Variants in ANK2 observed in about 807,000 individuals in gnomAD.
ANK2 encodes ankyrin 2.
In ANK2, 83 loss-of-function variants were observed where a neutral mutation model predicts 360.5. The ratio of observed to expected loss-of-function variants is 0.23; its 90% CI spans 0.19 to 0.28. ANK2 has a LOEUF of 0.28. Among genes scored for constraint, ANK2 ranks in the 10% least tolerant of loss-of-function variants. The pLI, the probability that ANK2 is intolerant of heterozygous loss-of-function variation, is 1.00. For synonymous variants in ANK2, 1,740 were observed against 1,759.5 expected (o/e 0.99, Z 0.28); for missense variants, 4,201 against 4,795.7 (o/e 0.88, Z 3.66).
the ANK2 span, among the ~76,000 whole-genome samples, chr4:112,780,149 T>C: frequency 8.7e-5 from 13 of 149,856 alleles, no homozygotes; most frequent in Non-Finnish European, 5.9e-5. Context: ...ATTGCGCCAC[T>C]GCACTCTAGC....
At chr4:112,899,168 A>C (rs1457871312) in intron 1 of ANK2, among the ~76,000 whole-genome samples, 1 of 152,194 alleles carries the variant, frequency 6.6e-6, no homozygotes, top group Non-Finnish European at 1.5e-5. Flanking sequence ...AGACTTGAAT[A>C]TCTTTATGCA....
At chr4:113,261,731 G>A (rs2053029917) in intron 13 of ANK2, among the ~76,000 whole-genome samples, 1 of 152,002 alleles carries the variant, frequency 6.6e-6, no homozygotes, top group African/African-American at 2.4e-5. Context: ...TTGAATTTAA[G>A]CCTTAGTGCT....
At chr4:113,127,011 T>A (rs1241945343) in intron 1 of ANK2, among the ~76,000 whole-genome samples, 5 of 151,974 alleles carry the variant, frequency 3.3e-5, no homozygotes, top group Non-Finnish European at 7.3e-5. Flanking sequence ...AACAATTTAG[T>A]CACTCCAATG....
At chr4:112,815,012 CTT>C (rs66513268), upstream of ANK2, among the ~76,000 whole-genome samples, 61,250 of 145,334 alleles carry the variant, frequency 0.42, 13,738 homozygotes, top group East Asian at 0.8. Flanking sequence ...CAAAAAGACA[CTT>C]TTTTTTTTTT....
chr4:112,988,562 A>G (rs1376424288), intron 2 of ANK2, among the ~76,000 whole-genome samples: 1 of 152,242 alleles, frequency 6.6e-6, no homozygotes, highest in Non-Finnish European at 1.5e-5. Context: ...GCTACAGGCC[A>G]GTCCAATGTA....
At chr4:112,820,761 A>C (rs989305121) in intron 1 of ANK2, among the ~76,000 whole-genome samples, 1 of 151,324 alleles carries the variant, frequency 6.6e-6, no homozygotes, top group African/African-American at 2.4e-5. Flanking sequence ...GTTTTTCGAG[A>C]TAGGGTCTCT....
chr4:113,315,846 A>ACGATCG (rs2082604101), intron 24 of ANK2, among the ~76,000 whole-genome samples: 1 of 144,654 alleles, frequency 6.9e-6, no homozygotes, highest in Admixed American at 7.2e-5. Flanking sequence ...GCACTGAGCC[A>ACGATCG]CGATCGCGCC....
intron 1 of ANK2, among the ~76,000 whole-genome samples, chr4:113,062,112 A>C (rs1163900641): frequency 1.3e-5 from 2 of 152,130 alleles, no homozygotes; most frequent in Admixed American, 1.3e-4. Context: ...TGCCCTGTAC[A>C]GGGTTTGGAT....
At chr4:112,837,298 A>G (rs2061195666) in intron 1 of ANK2, among the ~76,000 whole-genome samples, 1 of 152,210 alleles carries the variant, frequency 6.6e-6, no homozygotes, top group Non-Finnish European at 1.5e-5. Flanking sequence ...GCAAGTGTTG[A>G]GGTATGGGAA....
chr4:112,870,387 C>T (rs766122382), intron 1 of ANK2, among the ~76,000 whole-genome samples: 1 of 152,170 alleles, frequency 6.6e-6, no homozygotes, highest in Non-Finnish European at 1.5e-5. Flanking sequence ...CTAGTTCAGG[C>T]CATGAAGTTA....
rs767206909 is a variant in ANK2, at chr4:113,126,969, T to C, written c.85-47447T>C. Among the ~76,000 whole-genome samples, 3 of 152,206 alleles carry C rather than the reference T, an allele frequency of 2.0e-5. No individual in the cohort carries two copies. In the East Asian group the frequency reaches 5.8e-4, roughly 29 times the overall value. On this transcript the variant is annotated intron_variant, in intron 1 of 45. Transcript: ENST00000357077. ...TCACATGAGGGCCTTCTGGGTTATG[T>C]ATTCTTTAGTAAGTTGTATAAGAGC... is the stretch of plus-strand genomic sequence containing the variant.
At chr4:112,863,111 C>G (rs940984533) in intron 1 of ANK2, among the ~76,000 whole-genome samples, 2 of 152,108 alleles carry the variant, frequency 1.3e-5, no homozygotes, top group Non-Finnish European at 2.9e-5. Context: ...TTATTTCTTT[C>G]CCCCAAGCAT....
At chr4:113,249,512 A>T (rs1470921952) in intron 9 of ANK2, among the ~76,000 whole-genome samples, 1 of 152,072 alleles carries the variant, frequency 6.6e-6, no homozygotes, top group African/African-American at 2.4e-5. Context: ...CACACAGGGG[A>T]TCTCTCTTGC....
At chr4:112,756,308 G>T in the ANK2 span, among the ~76,000 whole-genome samples, 2 of 152,010 alleles carry the variant, frequency 1.3e-5, no homozygotes, top group Non-Finnish European at 2.9e-5. Flanking sequence ...AGCATTATAG[G>T]ATACAAAATC....
At chr4:113,184,709 T>C (rs1210864903) in intron 2 of ANK2, among the ~76,000 whole-genome samples, 1 of 151,686 alleles carries the variant, frequency 6.6e-6, no homozygotes, top group South Asian at 2.1e-4. Context: ...TTAATTCTTT[T>C]ATTATTATTA....
chr4:112,914,774 T>A (rs1448036788), intron 2 of ANK2, among the ~76,000 whole-genome samples: 1 of 152,038 alleles, frequency 6.6e-6, no homozygotes, highest in African/African-American at 2.4e-5. Context: ...CTAGAAGGGG[T>A]TGGAAAGAGC....
the ANK2 span, among the ~76,000 whole-genome samples, chr4:112,712,404 A>AT: frequency 2.7e-3 from 140 of 52,650 alleles, 1 homozygote; most frequent in East Asian, 0.021. Flanking sequence ...ATATATATAT[A>AT]TATTTTTTTT....
At chr4:113,241,312 G>A (rs2153570268) in intron 8 of ANK2, among the ~76,000 whole-genome samples, 1 of 152,188 alleles carries the variant, frequency 6.6e-6, no homozygotes, top group East Asian at 1.9e-4. Context: ...TTTTCTTACT[G>A]AATTATTCTG....
chr4:113,329,232 A>G (rs1465903030), intron 26 of ANK2, among the ~76,000 whole-genome samples: 1 of 152,228 alleles, frequency 6.6e-6, no homozygotes, highest in Non-Finnish European at 1.5e-5. Context: ...ATGAGTGTTA[A>G]TACCAACCAA....
Sources: allele counts gnomAD v4.1 joint callset (sites outside exome capture counted in the v4.1 genomes callset), GRCh38; gene constraint gnomAD v4.1.1; transcripts MANE v1.5; gene names NCBI Gene and HGNC (gene_info 2026-07-23, HGNC 2026-07-21).